TTLL8: variants seen among roughly 807,000 people sequenced by gnomAD.
TTLL8 encodes the protein protein monoglycylase TTLL8.
TTLL8 carries 65 observed loss-of-function variants against 77.8 expected under a neutral mutation model. The observed-to-expected ratio is 0.84, with a 90% CI of 0.68 to 1.03. The LOEUF (loss-of-function observed/expected upper bound fraction) is 1.03, where lower values mean the gene tolerates loss of function less well. TTLL8 is among the 50% of genes least tolerant of loss of function. TTLL8 has a pLI of 0.00. For synonymous variants in TTLL8, 402 were observed against 422.8 expected, an observed-to-expected ratio of 0.95 and a Z score of 0.60; for missense variants, 910 against 1,004.5, an observed-to-expected ratio of 0.91 and a Z score of 1.27.
exon 11 of TTLL8, chr22:50,031,716 G>C: frequency 1.5e-6 from 2 of 1,331,614 alleles, no homozygotes; most frequent in African/African-American, 3.0e-5. Context: ...AGTTGCCGAT[G>C]TCACAGCTGC....
intron 12 of TTLL8, among the ~76,000 whole-genome samples, chr22:50,024,701 C>T (rs1038358990): frequency 1.4e-4 from 22 of 152,262 alleles, no homozygotes; most frequent in African/African-American, 5.1e-4. Context: ...AGAACAAAGA[C>T]AAGGTTGGGA....
At chr22:50,052,258 C>T (rs1378289576) in intron 1 of TTLL8, among the ~76,000 whole-genome samples, 2 of 152,204 alleles carry the variant, frequency 1.3e-5, no homozygotes, top group Admixed American at 1.3e-4. Context: ...GGCTGGCACC[C>T]TCCGACTCCA....
At chr22:50,058,267 C>T (rs1239753922), upstream of TTLL8, among the ~76,000 whole-genome samples, 3 of 149,610 alleles carry the variant, frequency 2.0e-5, no homozygotes, top group Non-Finnish European at 4.5e-5. This position sits in a 1 kb window ranked among gnomAD's most constrained non-coding sequence, Gnocchi z 4.2. Flanking sequence ...GCTGCTGGGC[C>T]CGTGGCCTCG....
chr22:50,035,175 G>A (rs1038882506), intron 8 of TTLL8, among the ~76,000 whole-genome samples: 18 of 152,320 alleles, frequency 1.2e-4, no homozygotes, highest in East Asian at 1.2e-3. Context: ...GCCGTCCTGC[G>A]TGGGCAGACT....
At chr22:50,028,155 G>A (rs547243919) in intron 12 of TTLL8, among the ~76,000 whole-genome samples, 7 of 152,386 alleles carry the variant, frequency 4.6e-5, no homozygotes, top group Middle Eastern at 6.8e-3. Context: ...GCACCGGGCA[G>A]GAGGGTCTGG....
exon 12 of TTLL8, chr22:50,030,850 G>T: frequency 7.5e-7 from 1 of 1,338,436 alleles, no homozygotes. Flanking sequence ...GGCAGCACCT[G>T]CCTCCTGGCT....
chr22:50,031,178 T>C (rs1030859790), intron 11 of TTLL8, among the ~76,000 whole-genome samples: 1 of 152,102 alleles, frequency 6.6e-6, no homozygotes, highest in Non-Finnish European at 1.5e-5. Context: ...CAGCTGCTCT[T>C]TTCCCGAGTT....
rs1265955663 is a variant in TTLL8 at position 50,044,057 on chromosome 22, G to A, written c.643+1198C>T. Among the ~76,000 whole-genome samples the A allele has an allele frequency of 6.6e-6, 1 of 152,188 alleles. No individual in the cohort carries two copies. The highest frequency in any genetic ancestry group is 2.4e-5 in the African/African-American group (1 of 41,448). On this transcript the variant is annotated intron_variant, in intron 6 of 13. Transcript: ENST00000266182. This position sits in a 1 kb window ranked among gnomAD's most constrained non-coding sequence, Gnocchi z 4.2. ...ATCATTAATTAGGCCAGGTACGGTGGATCAAGCCTGTAATCCCAGCACTGT... is the reference window on the plus strand; with the variant it reads ...ATCATTAATTAGGCCAGGTACGGTGAATCAAGCCTGTAATCCCAGCACTGT...
chr22:50,038,250 C>G (rs1470002706), intron 8 of TTLL8, among the ~76,000 whole-genome samples: 1 of 151,646 alleles, frequency 6.6e-6, no homozygotes, highest in Non-Finnish European at 1.5e-5. Flanking sequence ...AATTTTAATA[C>G]TTTATCATTT....
chr22:50,055,774 G>A (rs1424596221), upstream of TTLL8, among the ~76,000 whole-genome samples: 4 of 152,182 alleles, frequency 2.6e-5, no homozygotes, highest in Non-Finnish European at 5.9e-5. Flanking sequence ...AGAGCTGTGG[G>A]AGAGGGGGTG....
intron 12 of TTLL8, among the ~76,000 whole-genome samples, chr22:50,027,032 G>A (rs969163750): frequency 1.5e-4 from 22 of 151,098 alleles, no homozygotes; most frequent in Admixed American, 1.3e-4. Context: ...TCAGGAGTTC[G>A]AGATTAGCCT....
At chr22:50,048,565 G>A (rs1271003123) in intron 3 of TTLL8, among the ~76,000 whole-genome samples, 2 of 152,112 alleles carry the variant, frequency 1.3e-5, no homozygotes, top group Non-Finnish European at 2.9e-5. Flanking sequence ...ACTGCCCACG[G>A]ACCTGTGGGA....
chr22:50,031,649 G>T, intron 11 of TTLL8, 37 bp downstream of exon 12: 1 of 1,227,854 alleles, frequency 8.1e-7, no homozygotes, highest in Non-Finnish European at 1.0e-6. Context: ...CACATGGCGG[G>T]CGGCCACCAA....
intron 1 of TTLL8, among the ~76,000 whole-genome samples, chr22:50,053,104 C>T (rs943405330): frequency 6.6e-6 from 1 of 152,042 alleles, no homozygotes; most frequent in African/African-American, 2.4e-5. Flanking sequence ...CACCTGTAGT[C>T]CCAGCTACTC....
chr22:50,028,426 TG>T (rs1002040592), intron 12 of TTLL8, among the ~76,000 whole-genome samples: 11 of 152,114 alleles, frequency 7.2e-5, no homozygotes, highest in Non-Finnish European at 1.6e-4. Flanking sequence ...TCCCCACACC[TG>T]GGAATGTGCC....
At position 50,045,211 on chromosome 22, in the gene TTLL8, C is replaced by G. The variant is rs371552767; in HGVS notation, c.643+44G>C. The G allele has an allele frequency of 3.0e-6, 4 of 1,330,148 alleles. No individual in the cohort carries two copies. In the Admixed American group the frequency reaches 8.0e-5, roughly 27 times the overall value. 82.4% of individuals were successfully genotyped at this position (1,330,148 alleles called of 1,614,324 possible). A position where few individuals can be genotyped will look rare whatever the true frequency, so the allele number is the denominator to read the frequency against. On this transcript the variant is annotated intron_variant, in intron 6 of 13. Transcript: ENST00000266182. ...GGCGGGAGGGCCCCTGTGGAGGCCC[C>G]GAGCTCTGGTGGCCTGGCACTGCCC...
At chr22:50,020,235 T>TGC (rs2061186448) in intron 12 of TTLL8, among the ~76,000 whole-genome samples, 1 of 146,618 alleles carries the variant, frequency 6.8e-6, no homozygotes, top group African/African-American at 2.6e-5. Flanking sequence ...ATCTGACATG[T>TGC]ACTCCTCCAT....
intron 12 of TTLL8, among the ~76,000 whole-genome samples, chr22:50,029,687 C>T (rs137901): frequency 0.79 from 120,674 of 151,946 alleles, 48,119 homozygotes; most frequent in East Asian, 0.91. Flanking sequence ...GCCGAGATCG[C>T]GCCACGGCAC....
rs1255537301 is a variant in TTLL8 at position 50,041,500 on chromosome 22, C to T, written c.830+121G>A. On this transcript the variant is annotated intron_variant, in intron 7 of 13. Coordinates refer to ENST00000266182, the Ensembl canonical transcript of TTLL8. The surrounding 1 kb of genome is among the most constrained non-coding windows in gnomAD (Gnocchi z 4.3). ...AGGACAGGCATCTCAACACTCAATA[C>T]CCCACAGGTAGCCTAATGCCCAGAC... 1.1e-5 allele frequency: 13 copies of T among 1,215,812 alleles called. No homozygotes were observed. The highest frequency in any genetic ancestry group is 1.4e-5 in the Non-Finnish European group (13 of 949,598). The allele number at this position is 1,215,812 out of a possible 1,614,324, so 75.3% of individuals were successfully genotyped here.
Sources: gnomAD v4.1 joint callset for allele counts (sites outside exome capture counted in the v4.1 genomes callset) on GRCh38, gnomAD v4.1.1 for gene constraint, Gnocchi (gnomAD v3.1) non-coding constraint, MANE v1.5 for transcripts, NCBI Gene and HGNC (gene_info 2026-07-23, HGNC 2026-07-21) for gene names.